The following VWA8 variants were observed in gnomAD, a reference collection of about 807,000 sequenced individuals.
VWA8 encodes von Willebrand factor A domain-containing protein 8.
A neutral mutation model predicts 241.5 loss-of-function variants in VWA8; 221 were observed. The observed-to-expected ratio is 0.91, with a 90% CI of 0.82 to 1.02. VWA8 has a LOEUF of 1.02. Ranked by LOEUF, VWA8 falls within the 50% of genes least tolerant of loss-of-function variation. The pLI, the probability that VWA8 is intolerant of heterozygous loss-of-function variation, is 0.00. For synonymous variants in VWA8, 852 were observed against 827.1 expected, an observed-to-expected ratio of 1.03 and a Z score of -0.52; for missense variants, 2,322 against 2,328.7, an observed-to-expected ratio of 1.00 and a Z score of 0.06.
Position 41,572,982 on chromosome 13 carries a change from G to A in VWA8, c.5371-2276C>T, listed in dbSNP as rs150290251. Reference sequence around the variant, plus strand: ...AAATTAGCTGGGTATGGTGACATGCGCCTGTGATCTCAGCTGCTCGGAGGG... The same window carrying A: ...AAATTAGCTGGGTATGGTGACATGCACCTGTGATCTCAGCTGCTCGGAGGG... On this transcript the variant is annotated intron_variant, in intron 43 of 44. Coordinates refer to ENST00000379310, the MANE Select transcript of VWA8 (RefSeq NM_015058.2). Among the ~76,000 whole-genome samples the A allele has an allele frequency of 1.4e-3, 217 of 151,286 alleles. 1 individual carries two copies. Among genetic ancestry groups the A allele is most frequent in the African/African-American group, 4.9e-3 (201 of 41,282 alleles).
chr13:41,719,260 C>T (rs1324953001), intron 26 of VWA8: 1 of 778,520 alleles, frequency 1.3e-6, no homozygotes, highest in Non-Finnish European at 1.6e-6. Flanking sequence ...ATGTGATTTT[C>T]ATGCTCGTAC....
chr13:41,728,342 TAAAGA>T (rs1445114787), intron 23 of VWA8, among the ~76,000 whole-genome samples: 4 of 151,962 alleles, frequency 2.6e-5, no homozygotes, highest in Non-Finnish European at 5.9e-5. Context: ...ATTTAAAAAG[TAAAGA>T]AAATGAAAAA....
intron 21 of VWA8, among the ~76,000 whole-genome samples, chr13:41,734,461 C>G (rs944053536): frequency 1.3e-5 from 2 of 152,164 alleles, no homozygotes; most frequent in African/African-American, 4.8e-5. Context: ...TGGTTTATGT[C>G]CAAGATGGAG....
At chr13:41,758,413 T>G in intron 21 of VWA8, among the ~76,000 whole-genome samples, 3 of 75,792 alleles carry the variant, frequency 4.0e-5, no homozygotes, top group Non-Finnish European at 8.8e-5. Context: ...TATATATATA[T>G]ATATATATAT....
chr13:41,842,900 C>A (rs928229867), intron 12 of VWA8, among the ~76,000 whole-genome samples: 6 of 152,164 alleles, frequency 3.9e-5, no homozygotes, highest in Non-Finnish European at 7.3e-5. Context: ...AGTAAGGGAG[C>A]AGCCAGCACA....
At chr13:41,870,136 A>G (rs1159333799) in intron 9 of VWA8, among the ~76,000 whole-genome samples, 3 of 152,214 alleles carry the variant, frequency 2.0e-5, no homozygotes, top group Non-Finnish European at 4.4e-5. Context: ...GTGAATTTAT[A>G]CTGCCATTAA....
At position 41,866,032 on chromosome 13, in the gene VWA8, G is replaced by C; in HGVS notation, c.1217C>G (p.Pro406Arg). The C allele has an allele frequency of 6.2e-7, 1 of 1,613,838 alleles. No homozygotes were observed. Among genetic ancestry groups the C allele is most frequent in the South Asian group, 1.1e-5 (1 of 91,072 alleles). ...TTGACTTAATAGCCTGGTCCCGGCT[G>C]GCACCTATAATTAAAGAGAGGTCAA... is the stretch of plus-strand genomic sequence containing the variant. Reference protein sequence around the residue: ...IADKEVTIKVPAGTRLLSQPC... With the variant: ...IADKEVTIKVRAGTRLLSQPC... Residue 406 changes from proline (P) to arginine (R), a missense_variant, in exon 11 of 45, where the codon CCA becomes CGA. Transcript: ENST00000379310.
chr13:41,777,890 G>A (rs1412506559), intron 20 of VWA8, 95 bp downstream of exon 20: 1 of 1,080,318 alleles, frequency 9.3e-7, no homozygotes, highest in African/African-American at 1.6e-5. Context: ...ATTTAATAGG[G>A]GAAAAAATAA....
At chr13:41,671,220 A>G in intron 36 of VWA8, 73 bp from the exon 37 acceptor site, 1 of 1,507,956 alleles carries the variant, frequency 6.6e-7, no homozygotes, top group East Asian at 2.3e-5. Flanking sequence ...GCACATTGTA[A>G]TGTTCTTTAC....
At chr13:41,770,795 T>C (rs2045815699) in intron 20 of VWA8, among the ~76,000 whole-genome samples, 1 of 151,558 alleles carries the variant, frequency 6.6e-6, no homozygotes. Flanking sequence ...TATTGGAGTT[T>C]TAGTAAGGGC....
At chr13:41,807,143 G>T (rs1870249410) in intron 17 of VWA8, among the ~76,000 whole-genome samples, 1 of 152,022 alleles carries the variant, frequency 6.6e-6, no homozygotes, top group Non-Finnish European at 1.5e-5. Flanking sequence ...GAACTACGAA[G>T]AAATAGAAAA....
In VWA8 at chr13:41,615,028, C is replaced by G. The variant is rs778917919; in HGVS notation, c.4668G>C (p.Glu1556Asp). Residue 1556 changes from glutamate (E) to aspartate (D), a missense_variant, in exon 38 of 45, where the codon GAG (glutamate) becomes GAC (aspartate). Transcript: ENST00000379310. ...CCACGTGAGGCATGTTGTCTGGGTC[C>G]TCCTTCCCGTGTTTGGGGGAGCTTA... ...EDVSSPKHGK[E>D]DPDNMPHVGG... 1.9e-6 allele frequency: 3 copies of G among 1,613,796 alleles called. No individual in the cohort carries two copies. The highest frequency in any genetic ancestry group is 2.5e-6 in the Non-Finnish European group (3 of 1,179,974).
intron 26 of VWA8, among the ~76,000 whole-genome samples, chr13:41,712,818 A>G (rs1218784428): frequency 6.6e-6 from 1 of 152,246 alleles, no homozygotes; most frequent in Non-Finnish European, 1.5e-5. Context: ...GATAATAGAA[A>G]AAAATTACTT....
intron 37 of VWA8, among the ~76,000 whole-genome samples, chr13:41,649,478 T>C (rs2044854966): frequency 6.6e-6 from 1 of 152,122 alleles, no homozygotes; most frequent in Admixed American, 6.5e-5. Context: ...ATATGAATTA[T>C]AGTCAGGCAG....
chr13:41,741,870 A>G (rs1246065203), intron 21 of VWA8, among the ~76,000 whole-genome samples: 1 of 152,206 alleles, frequency 6.6e-6, no homozygotes, highest in Non-Finnish European at 1.5e-5. Flanking sequence ...CAAGGGCTGT[A>G]ACAGAAATCA....
intron 40 of VWA8, among the ~76,000 whole-genome samples, chr13:41,597,993 C>G (rs2044499190): frequency 6.6e-6 from 1 of 152,256 alleles, no homozygotes. Flanking sequence ...AGCACTGCAG[C>G]AGCCTCCTAA....
At chr13:41,874,746 A>G (rs1873814875) in intron 9 of VWA8, among the ~76,000 whole-genome samples, 1 of 152,092 alleles carries the variant, frequency 6.6e-6, no homozygotes, top group South Asian at 2.1e-4. Context: ...ACCTTTTTCT[A>G]GATTGTTAAG....
chr13:41,816,803 C>G, intron 15 of VWA8, 28 bp from the exon 16 acceptor site: 1 of 1,535,866 alleles, frequency 6.5e-7, no homozygotes, highest in Non-Finnish European at 9.0e-7. Flanking sequence ...TGAGGACAAA[C>G]AGAAGGAATA....
At chr13:41,620,938 C>A (rs1048012808) in intron 37 of VWA8, among the ~76,000 whole-genome samples, 1 of 152,048 alleles carries the variant, frequency 6.6e-6, no homozygotes, top group African/African-American at 2.4e-5. Context: ...ACCATTACAC[C>A]CAGCTTTGAT....
Sources: allele counts gnomAD v4.1 joint callset (sites outside exome capture counted in the v4.1 genomes callset), GRCh38; gene constraint gnomAD v4.1.1; transcripts MANE v1.5; gene names NCBI Gene and HGNC (gene_info 2026-07-23, HGNC 2026-07-21).